The following RANBP17 variants were observed in gnomAD, a reference collection of about 807,000 sequenced individuals.
The protein encoded by RANBP17 is RAN binding protein 17.
RANBP17 carries 158 observed loss-of-function variants against 141.2 expected under a neutral mutation model. The ratio of observed to expected loss-of-function variants is 1.12; its 90% CI spans 0.98 to 1.28. The LOEUF is 1.28. Among genes scored for constraint, RANBP17 ranks in the 50% most tolerant of loss-of-function variants. The pLI, the probability that RANBP17 is intolerant of heterozygous loss-of-function variation, is 0.00. For missense variants in RANBP17, 1,438 were observed against 1,290.7 expected (o/e 1.11, Z -1.75); for synonymous variants, 430 against 450.0 (o/e 0.96, Z 0.56).
intron 14 of RANBP17, among the ~76,000 whole-genome samples, chr5:170,992,470 T>A (rs535298175): frequency 6.6e-6 from 1 of 151,992 alleles, no homozygotes; most frequent in Non-Finnish European, 1.5e-5. Flanking sequence ...AATCAAGATA[T>A]GAATACTGTA....
At chr5:171,115,691 A>G (rs1321670223) in intron 14 of RANBP17, among the ~76,000 whole-genome samples, 3 of 152,222 alleles carry the variant, frequency 2.0e-5, no homozygotes, top group Non-Finnish European at 4.4e-5. Context: ...GGATTCCAAC[A>G]AGTATCACAT....
intron 14 of RANBP17, among the ~76,000 whole-genome samples, chr5:170,992,992 A>G (rs1447426575): frequency 6.6e-6 from 1 of 152,066 alleles, no homozygotes; most frequent in Non-Finnish European, 1.5e-5. Flanking sequence ...TGTTATTTGA[A>G]GGCAGATGCT....
rs891642203 is a variant in RANBP17 at position 170,895,999 on chromosome 5, G to A, written c.424-51G>A. 2.1e-5 allele frequency: 24 copies of A among 1,129,876 alleles called. No individual in the cohort carries two copies. The Admixed American group carries it at 5.2e-4, about 25-fold the overall frequency. 70.0% of individuals were successfully genotyped at this position (1,129,876 alleles called of 1,614,324 possible). On this transcript the variant is annotated intron_variant, in intron 4 of 27. Coordinates refer to ENST00000523189, the MANE Select transcript of RANBP17 (RefSeq NM_022897.5). The stretch of plus-strand genomic sequence containing the variant: ...AAATGTTACCTGGTATATACATTAA[G>A]AACCAATCACTTGTCTCCACTTAGG...
intron 14 of RANBP17, among the ~76,000 whole-genome samples, chr5:171,096,680 T>C (rs2127736655): frequency 6.6e-6 from 1 of 152,208 alleles, no homozygotes; most frequent in African/African-American, 2.4e-5. Context: ...TTGGGGGAAA[T>C]GTTGAAACTT....
intron 22 of RANBP17, among the ~76,000 whole-genome samples, chr5:171,235,262 A>C (rs979356318): frequency 2.0e-5 from 3 of 152,038 alleles, no homozygotes; most frequent in Non-Finnish European, 1.5e-5. Context: ...AGAAATGGAA[A>C]CAATGAATTG....
rs956229335 is a variant in RANBP17 at position 170,919,498 on chromosome 5, G to A, written c.1159G>A (p.Val387Ile). Reference protein sequence around the residue: ...HYLLTLWQRMVASVPFVKSTE... With the variant: ...HYLLTLWQRMIASVPFVKSTE... The stretch of plus-strand genomic sequence containing the variant: ...TTTATTAACTCTGTGGCAAAGGATG[G>A]TAGCATCTGTTCCTTTTGTGAAATC... The change falls in exon 11 of 28, where the codon GTA becomes ATA. Residue 387 changes from valine (V) to isoleucine (I), a missense_variant. Coordinates refer to ENST00000523189, the MANE Select transcript of RANBP17 (RefSeq NM_022897.5). 1 of 1,610,718 alleles carries A rather than the reference G, an allele frequency of 6.2e-7. No homozygotes were observed. The highest frequency in any genetic ancestry group is 8.5e-7 in the Non-Finnish European group (1 of 1,178,616).
intron 12 of RANBP17, among the ~76,000 whole-genome samples, chr5:170,936,223 C>T (rs904823489): frequency 3.9e-5 from 6 of 152,144 alleles, no homozygotes; most frequent in Non-Finnish European, 7.3e-5. Context: ...AAAGGGAATT[C>T]CTGGACCTCT....
At chr5:171,055,213 C>G (rs1286389456) in intron 14 of RANBP17, among the ~76,000 whole-genome samples, 2 of 152,120 alleles carry the variant, frequency 1.3e-5, no homozygotes, top group Non-Finnish European at 2.9e-5. Context: ...GAATACTGAT[C>G]CAGATTTTTA....
At chr5:171,278,611 G>T (rs895600719) in intron 25 of RANBP17, among the ~76,000 whole-genome samples, 1 of 152,174 alleles carries the variant, frequency 6.6e-6, no homozygotes, top group Non-Finnish European at 1.5e-5. Flanking sequence ...CAGAGAAATA[G>T]CCAGTCCTAG....
At chr5:171,020,543 G>A (rs1053717586) in intron 14 of RANBP17, among the ~76,000 whole-genome samples, 1 of 150,780 alleles carries the variant, frequency 6.6e-6, no homozygotes, top group Non-Finnish European at 1.5e-5. Flanking sequence ...TCTCTTTTTG[G>A]TCTTTGTTGT....
At chr5:171,011,637 T>C (rs1336305680) in intron 14 of RANBP17, among the ~76,000 whole-genome samples, 1 of 152,040 alleles carries the variant, frequency 6.6e-6, no homozygotes, top group African/African-American at 2.4e-5. Context: ...ATAACCTTTT[T>C]TTGGTAAACC....
intron 14 of RANBP17, among the ~76,000 whole-genome samples, chr5:170,988,472 T>C (rs1289236819): frequency 6.6e-6 from 1 of 151,296 alleles, no homozygotes; most frequent in African/African-American, 2.4e-5. Flanking sequence ...CTTTGAAGAG[T>C]TGTCAGCACT....
intron 13 of RANBP17, 142 bp from the exon 14 acceptor site, chr5:170,968,100 C>A: frequency 1.7e-6 from 1 of 584,982 alleles, no homozygotes; most frequent in Non-Finnish European, 2.7e-6. Context: ...TCAGATGATT[C>A]AAAAAATATT....
rs568907475 is a variant in RANBP17, at chr5:170,937,438, G to A, written c.1468+12888G>A. On this transcript the variant is annotated intron_variant, in intron 12 of 27. Coordinates refer to ENST00000523189, the MANE Select transcript of RANBP17 (RefSeq NM_022897.5). ...TTTTCCTTTGGCCATTAGAGGAGAA[G>A]CTCAAACTCTAGTTGTTTCTGTGCC... is the stretch of plus-strand genomic sequence containing the variant. 1.0e-3 allele frequency among the ~76,000 whole-genome samples: 152 copies of A among 152,294 alleles called. 1 individual carries two copies. The highest frequency in any genetic ancestry group is 2.0e-3 in the Non-Finnish European group (133 of 68,016).
intron 24 of RANBP17, among the ~76,000 whole-genome samples, chr5:171,264,584 TTAAAAA>T (rs1288783018): frequency 6.6e-6 from 1 of 152,130 alleles, no homozygotes; most frequent in East Asian, 1.9e-4. Flanking sequence ...TGTATGAGAA[TTAAAAA>T]TAATAACATG....
intron 14 of RANBP17, among the ~76,000 whole-genome samples, chr5:171,061,728 C>A (rs1783873141): frequency 6.6e-6 from 1 of 152,106 alleles, no homozygotes; most frequent in South Asian, 2.1e-4. Flanking sequence ...TGTTAACTTT[C>A]TCTCTCATTG....
chr5:170,947,877 T>C (rs1361286760), intron 12 of RANBP17, among the ~76,000 whole-genome samples: 1 of 152,186 alleles, frequency 6.6e-6, no homozygotes, highest in Non-Finnish European at 1.5e-5. Context: ...TTGCCAGTTC[T>C]TGTAAAGGTT....
intron 16 of RANBP17, among the ~76,000 whole-genome samples, chr5:171,177,277 T>G (rs1343035261): frequency 6.6e-6 from 1 of 152,172 alleles, no homozygotes; most frequent in Non-Finnish European, 1.5e-5. Flanking sequence ...GCCCCCTTAT[T>G]TAGACCTTCA....
chr5:170,968,363 C>G lies in RANBP17; in HGVS notation c.1696C>G (p.Gln566Glu), dbSNP rs942297364. The change falls in exon 14 of 28, where the codon CAA becomes GAA. Residue 566 changes from glutamine to glutamate, a missense_variant. By Grantham distance (29) the Gln-to-Glu change is conservative. Coordinates refer to ENST00000523189, the MANE Select transcript of RANBP17 (RefSeq NM_022897.5). ...TAAAACATATGTTGGTGATCAACTT[C>G]AAAGAACCTCAAAGGTAGGTTTCTA... The part of the protein sequence containing the change: ...FRKTYVGDQL[Q>E]RTSKVYARMS... 1.2e-6 allele frequency: 2 copies of G among 1,602,678 alleles called. No individual in the cohort carries two copies. Among genetic ancestry groups the G allele is most frequent in the African/African-American group, 1.3e-5 (1 of 74,292 alleles).
Sources: allele counts gnomAD v4.1 joint callset (sites outside exome capture counted in the v4.1 genomes callset), GRCh38; gene constraint gnomAD v4.1.1; transcripts MANE v1.5; gene names NCBI Gene and HGNC (gene_info 2026-07-23, HGNC 2026-07-21).